SCN1A: variants seen among roughly 807,000 people sequenced by gnomAD.
SCN1A encodes sodium channel protein type 1 subunit alpha.
A neutral mutation model predicts 193.7 loss-of-function variants in SCN1A; 13 were observed. The observed-to-expected ratio is 0.07, with a 90% confidence interval of 0.04 to 0.11. The LOEUF (loss-of-function observed/expected upper bound fraction) is 0.11, where lower values mean the gene tolerates loss of function less well. Among genes scored for constraint, SCN1A ranks in the 10% least tolerant of loss-of-function variants. The pLI is 1.00. For synonymous variants in SCN1A, 781 were observed against 843.6 expected (o/e 0.93, Z 1.29); for missense variants, 1,432 against 2,451.1 (o/e 0.58, Z 8.78).
chr2:166,129,291 T>C (rs937955467), upstream of SCN1A, among the ~76,000 whole-genome samples: 9 of 152,176 alleles, frequency 5.9e-5, no homozygotes, highest in Non-Finnish European at 1.5e-5. Context: ...CTTTGCAACA[T>C]ACCTAAAAGT....
intron 2 of SCN1A, among the ~76,000 whole-genome samples, chr2:166,120,131 G>C (rs1242341094): frequency 6.6e-6 from 1 of 150,648 alleles, no homozygotes; most frequent in Non-Finnish European, 1.5e-5. Flanking sequence ...TTTGTCATAA[G>C]AAAAATAAGA....
chr2:166,040,004 A>G (rs1696952765), intron 16 of SCN1A, among the ~76,000 whole-genome samples: 1 of 146,198 alleles, frequency 6.8e-6, no homozygotes, highest in Non-Finnish European at 1.5e-5. Flanking sequence ...GGCTCACTGC[A>G]AGCTCCTGGG....
chr2:165,999,934 G>T (rs1282071776), intron 24 of SCN1A, 158 bp from the exon 25 acceptor site: 79 of 678,818 alleles, frequency 1.2e-4, no homozygotes, highest in Non-Finnish European at 1.1e-4. Context: ...CAGTATTTTA[G>T]TATGGCTTTT....
chr2:166,060,949 TAAG>T (rs1417080837), intron 4 of SCN1A: 3 of 152,068 alleles, frequency 2.0e-5, no homozygotes, highest in Non-Finnish European at 4.4e-5. Context: ...TATTTTAAAA[TAAG>T]AATCTCTTGA....
intron 2 of SCN1A, among the ~76,000 whole-genome samples, chr2:166,082,959 C>T (rs770236751): frequency 1.3e-5 from 2 of 151,954 alleles, no homozygotes; most frequent in Non-Finnish European, 2.9e-5. Flanking sequence ...CATCTGGGCA[C>T]GACAATTTGT....
At chr2:166,107,349 A>G (rs2106177287) in intron 2 of SCN1A, among the ~76,000 whole-genome samples, 1 of 152,320 alleles carries the variant, frequency 6.6e-6, no homozygotes, top group East Asian at 1.9e-4. Flanking sequence ...CGTGCAAAGT[A>G]CTTTACCCAT....
Position 166,053,195 on chromosome 2 carries a change from T to C in SCN1A, c.603-252A>G. ...ATTTATATTACTTGCATGGGTCTTT[T>C]ATAAAGACCTTCTTGGTGATTTTAA... On this transcript the variant is annotated intron_variant, in intron 7 of 28. Coordinates refer to ENST00000674923, the MANE Select transcript of SCN1A (RefSeq NM_001165963.4). 3 of 695,046 alleles carry C rather than the reference T, an allele frequency of 4.3e-6. No homozygotes were observed. The South Asian group carries it at 5.1e-5, about 12-fold the overall frequency. The allele number at this position is 695,046 out of a possible 1,614,324, so 43.1% of individuals were successfully genotyped here.
At chr2:166,084,564 G>A (rs1574421433) in intron 2 of SCN1A, among the ~76,000 whole-genome samples, 2 of 151,866 alleles carry the variant, frequency 1.3e-5, no homozygotes, top group Admixed American at 1.3e-4. Context: ...AATCAGGCTT[G>A]GTACAATTCC....
intron 2 of SCN1A, chr2:166,081,726 T>C (rs1685547861): frequency 1.3e-5 from 2 of 151,914 alleles, no homozygotes; most frequent in African/African-American, 2.4e-5. Flanking sequence ...AAATTCTATG[T>C]TGTTTTTAAA....
intron 19 of SCN1A, among the ~76,000 whole-genome samples, chr2:166,032,322 T>C: frequency 1.0e-5 from 1 of 97,234 alleles, no homozygotes; most frequent in Non-Finnish European, 2.1e-5. Context: ...GATAAATAAA[T>C]GAAAATAGGC....
In SCN1A at chr2:165,986,450, G is replaced by T. The variant is rs995744729; in HGVS notation, c.*4795C>A. On this transcript the variant is annotated 3_prime_UTR_variant, in exon 29 of 29. Transcript: ENST00000674923. ...CTGGGGTCTTAACCACTATGCCGCA[G>T]ATCTTTTCTAAAATATTCTTATTTT... 6.6e-6 allele frequency: 1 copy of T among 151,952 alleles called. No homozygotes were observed. Among genetic ancestry groups the T allele is most frequent in the Non-Finnish European group, 1.5e-5 (1 of 67,978 alleles). The allele number at this position is 151,952 out of a possible 1,614,324, so 9.4% of individuals were successfully genotyped here.
intron 19 of SCN1A, among the ~76,000 whole-genome samples, chr2:166,028,674 A>G (rs1019451619): frequency 4.6e-5 from 7 of 152,234 alleles, no homozygotes; most frequent in African/African-American, 1.7e-4. Context: ...CTTATTTGAT[A>G]AATGGTAACA....
intron 2 of SCN1A, among the ~76,000 whole-genome samples, chr2:166,105,805 C>T (rs1048022587): frequency 3.9e-5 from 6 of 152,156 alleles, no homozygotes; most frequent in African/African-American, 1.4e-4. Context: ...ATTGTCTTTA[C>T]CCCTATAAAC....
intron 19 of SCN1A, among the ~76,000 whole-genome samples, chr2:166,032,234 C>G (rs938555846): frequency 1.6e-4 from 24 of 151,732 alleles, no homozygotes; most frequent in Middle Eastern, 3.4e-3. Flanking sequence ...CACACACACA[C>G]AGAGACAGAG....
At chr2:166,088,742 A>G (rs887494391) in intron 2 of SCN1A, among the ~76,000 whole-genome samples, 3 of 152,320 alleles carry the variant, frequency 2.0e-5, no homozygotes, top group South Asian at 4.1e-4. Flanking sequence ...TTAGAATGTT[A>G]CCAAGTTGGC....
At chr2:166,106,778 C>A (rs887252391) in intron 2 of SCN1A, among the ~76,000 whole-genome samples, 1 of 152,060 alleles carries the variant, frequency 6.6e-6, no homozygotes. Flanking sequence ...TGCTAATGAT[C>A]GAAGTAAAAT....
intron 1 of SCN1A, among the ~76,000 whole-genome samples, chr2:166,148,787 T>C (rs1009676056): frequency 6.6e-6 from 1 of 152,194 alleles, no homozygotes; most frequent in South Asian, 2.1e-4. Context: ...ATCAAATAAA[T>C]TGTATTCAGA....
intron 16 of SCN1A, among the ~76,000 whole-genome samples, chr2:166,039,910 CTTTTTTTTTTTTTTTTT>C (rs10523688): frequency 0.034 from 3,726 of 110,938 alleles, 204 homozygotes; most frequent in African/African-American, 0.11. Flanking sequence ...TACAAGTCAT[CTTTTTTTTTTTTTTTTT>C]TTTTTTTTTT....
At chr2:166,044,542 T>C (rs1324728237) in intron 13 of SCN1A, among the ~76,000 whole-genome samples, 2 of 152,308 alleles carry the variant, frequency 1.3e-5, no homozygotes, top group African/African-American at 4.8e-5. Flanking sequence ...AGGCATTGTA[T>C]TGTTGGAACT....
Sources: gnomAD v4.1 joint callset for allele counts (sites outside exome capture counted in the v4.1 genomes callset) on GRCh38, gnomAD v4.1.1 for gene constraint, MANE v1.5 for transcripts, NCBI Gene and HGNC (gene_info 2026-07-23, HGNC 2026-07-21) for gene names.